The following ZC4H2 variants were observed in gnomAD, a reference collection of about 807,000 sequenced individuals.
ZC4H2 encodes the protein zinc finger C4H2-type containing, also known as zinc finger C4H2 domain-containing protein.
For missense variants in ZC4H2, 137 were observed against 173.9 expected, an observed-to-expected ratio of 0.79 and a Z score of 1.19; for synonymous variants, 84 against 66.3, an observed-to-expected ratio of 1.27 and a Z score of -1.30.
rs189515462 is a variant in ZC4H2 at position 64,982,544 on chromosome X, T to A, written c.-272+52085A>T. On this transcript the variant is annotated intron_variant, in intron 1 of 4. Coordinates refer to the ZC4H2 transcript ENST00000337990. ...GAACCCAAATTTGGGGATAATTCAG[T>A]GAATAGAAACAGGAGAGAAGCATGA... 5.1e-3 allele frequency among the ~76,000 whole-genome samples: 577 copies of A among 112,193 alleles called. 2 individuals are homozygous for A. The highest frequency in any genetic ancestry group is 0.017 in the African/African-American group (535 of 30,887).
rs1307568010 is a variant in ZC4H2, at chrX:64,970,518, G to T, written c.53+5807C>A. Among the ~76,000 whole-genome samples the T allele has an allele frequency of 8.4e-5, 9 of 107,684 alleles. No individual in the cohort carries two copies. The East Asian group carries it at 1.2e-3, about 14-fold the overall frequency. 93.5% of individuals were successfully genotyped at this position (107,684 alleles called of 115,157 possible). A position where few individuals can be genotyped will look rare whatever the true frequency, so the allele number is the denominator to read the frequency against. ...AGAGGAAGGGAGGGAGGGAGGGAGGGGGGAAGGAAGGAAGGAAGGGAGGAA... is the reference window on the plus strand; with the variant it reads ...AGAGGAAGGGAGGGAGGGAGGGAGGTGGGAAGGAAGGAAGGAAGGGAGGAA... On this transcript the variant is annotated intron_variant, in intron 1 of 4. Transcript: ENST00000374839.
In ZC4H2 at chrX:64,958,172, A is replaced by G. The variant is rs145017111; in HGVS notation, c.53+18153T>C. Among the ~76,000 whole-genome samples the G allele has an allele frequency of 2.7e-3, 306 of 112,418 alleles. 3 individuals carry two copies. The highest frequency in any genetic ancestry group is 9.3e-3 in the African/African-American group (288 of 30,986). On this transcript the variant is annotated intron_variant, in intron 1 of 4. Transcript: ENST00000374839. ...TTGTTATCATTTTCAAGTATCATGT[A>G]CTGTAGATAATTTTATATGCTAGAC... is the stretch of plus-strand genomic sequence containing the variant.
intron 1 of ZC4H2, among the ~76,000 whole-genome samples, chrX:65,018,844 T>TG (rs1247346718): frequency 7.2e-4 from 80 of 110,737 alleles, no homozygotes; most frequent in East Asian, 5.7e-3. Flanking sequence ...TCAAGCTTGG[T>TG]GGGGGGAGGG....
chrX:65,024,348 T>C (rs958756980), intron 1 of ZC4H2, among the ~76,000 whole-genome samples: 3 of 111,498 alleles, frequency 2.7e-5, no homozygotes, highest in African/African-American at 9.8e-5. Flanking sequence ...ATGGCTATTA[T>C]TAAAGTCAAA....
At chrX:64,970,899 G>C (rs905281340) in intron 1 of ZC4H2, among the ~76,000 whole-genome samples, 1 of 111,702 alleles carries the variant, frequency 9.0e-6, no homozygotes, top group Non-Finnish European at 1.9e-5. Context: ...TTTCCGGGGA[G>C]GCAGCATGAA....
Position 64,921,803 on chromosome X carries a change from A to T in ZC4H2, c.225+14T>A. 1 of 1,207,336 alleles carries T rather than the reference A, an allele frequency of 8.3e-7. No homozygotes were observed. The highest frequency in any genetic ancestry group is 1.1e-6 in the Non-Finnish European group (1 of 893,416). On this transcript the variant is annotated intron_variant, in intron 2 of 4. Coordinates refer to ENST00000374839, the MANE Select transcript of ZC4H2 (RefSeq NM_018684.4). The stretch of plus-strand genomic sequence containing the variant: ...CTCAAAGGCTTTAGAGATAGGCTCC[A>T]GGCAGCCACGTACCACATTGATGTC...
intron 1 of ZC4H2, among the ~76,000 whole-genome samples, chrX:64,949,786 T>C (rs1387543906): frequency 1.8e-5 from 2 of 111,593 alleles, no homozygotes; most frequent in Non-Finnish European, 3.8e-5. Flanking sequence ...TGTTGTACTT[T>C]TCAAAAAACC....
intron 1 of ZC4H2, among the ~76,000 whole-genome samples, chrX:64,952,535 G>A (rs914747179): frequency 1.8e-5 from 2 of 110,790 alleles, no homozygotes; most frequent in African/African-American, 6.6e-5. Context: ...CAGACAAACA[G>A]AGAGCCAAAT....
rs1428984971 is a variant in ZC4H2, at chrX:64,976,338, T to C, written c.40A>G (p.Ile14Val). ...EQEIMCKLESIKEIRNKTLQM... is the reference protein window; with the variant it reads ...EQEIMCKLESVKEIRNKTLQM... ...CGTGCCACTTACCTGATCTCTTTAA[T>C]GCTTTCCAATTTGCACATGATTTCT... The change falls in exon 1 of 5, where the codon ATT becomes GTT. Residue 14 changes from isoleucine to valine, a missense_variant. Physicochemically the swap from Ile to Val is conservative, Grantham distance 29. Coordinates refer to ENST00000374839, the MANE Select transcript of ZC4H2 (RefSeq NM_018684.4). 1.7e-6 allele frequency: 2 copies of C among 1,210,139 alleles called. No homozygotes were observed. Among genetic ancestry groups the C allele is most frequent in the African/African-American group, 1.7e-5 (1 of 57,146 alleles).
At chrX:65,028,085 C>T (rs1364182752) in intron 1 of ZC4H2, among the ~76,000 whole-genome samples, 1 of 111,111 alleles carries the variant, frequency 9.0e-6, no homozygotes, top group East Asian at 2.8e-4. Flanking sequence ...TTCCTTTTGT[C>T]CTATTTCAGA....
intron 1 of ZC4H2, among the ~76,000 whole-genome samples, chrX:64,998,441 A>G (rs1221876640): frequency 8.9e-6 from 1 of 112,346 alleles, no homozygotes; most frequent in East Asian, 2.8e-4. Flanking sequence ...ATTGAGAAAA[A>G]GGTCAGAAAT....
chrX:64,996,270 C>T (rs1220359290), intron 1 of ZC4H2, among the ~76,000 whole-genome samples: 1 of 110,914 alleles, frequency 9.0e-6, no homozygotes, highest in African/African-American at 3.3e-5. Flanking sequence ...GAAACAGAAA[C>T]TTCAGTAACC....
Position 64,999,039 on chromosome X carries a change from G to GTTTTTTT in ZC4H2, c.-272+35583_-272+35589dup, listed in dbSNP as rs58094683. 8.6e-3 allele frequency among the ~76,000 whole-genome samples: 102 copies of GTTTTTTT among 11,871 alleles called. 3 individuals are homozygous for GTTTTTTT. Among genetic ancestry groups the GTTTTTTT allele is most frequent in the East Asian group, 0.015 (4 of 260 alleles). 10.3% of individuals were successfully genotyped at this position (11,871 alleles called of 115,157 possible). A position where few individuals can be genotyped will look rare whatever the true frequency, so the allele number is the denominator to read the frequency against. On this transcript the variant is annotated intron_variant, in intron 1 of 4. Transcript: ENST00000337990. ...TAGACAGCATACAGTTGGATTATGT[G>GTTTTTTT]TTTTTTTTTTTTTTTTTTTTTTTTT...
chrX:65,033,552 A>G (rs1932964167), intron 1 of ZC4H2, among the ~76,000 whole-genome samples: 1 of 111,664 alleles, frequency 9.0e-6, no homozygotes, highest in African/African-American at 3.3e-5. Flanking sequence ...CTAGAAAAAT[A>G]GAGGCAAGAT....
At chrX:64,953,625 G>C (rs777954578) in intron 1 of ZC4H2, among the ~76,000 whole-genome samples, 10 of 111,721 alleles carry the variant, frequency 9.0e-5, no homozygotes, top group African/African-American at 2.6e-4. Context: ...CAATGAGATA[G>C]CATCTCACAC....
At chrX:64,976,193 C>T in intron 1 of ZC4H2, 132 bp downstream of exon 1, 2 of 725,212 alleles carry the variant, frequency 2.8e-6, no homozygotes, top group Non-Finnish European at 4.3e-6. Flanking sequence ...CCATCCTCAC[C>T]TCTCCGGCAA....
At chrX:64,987,345 T>C (rs766826895) in intron 1 of ZC4H2, among the ~76,000 whole-genome samples, 2 of 111,345 alleles carry the variant, frequency 1.8e-5, no homozygotes, top group African/African-American at 6.5e-5. Context: ...TCAACATTTA[T>C]TAGATAGCTA....
intron 1 of ZC4H2, among the ~76,000 whole-genome samples, chrX:65,002,454 G>A (rs1486877274): frequency 8.9e-4 from 97 of 108,819 alleles, no homozygotes; most frequent in African/African-American, 2.6e-3. Flanking sequence ...GGGCGCCTCC[G>A]CCCAGCTGCC....
chrX:65,024,028 T>C (rs1205241602), intron 1 of ZC4H2, among the ~76,000 whole-genome samples: 2 of 111,212 alleles, frequency 1.8e-5, no homozygotes, highest in African/African-American at 6.5e-5. Context: ...ACACCACTTG[T>C]TCTTATTCAT....
Sources: gnomAD v4.1 joint callset for allele counts (sites outside exome capture counted in the v4.1 genomes callset) on GRCh38, gnomAD v4.1.1 for gene constraint, MANE v1.5 for transcripts, NCBI Gene and HGNC (gene_info 2026-07-23, HGNC 2026-07-21) for gene names.